Variants in CLIP1 observed in about 807,000 individuals in gnomAD.
The protein encoded by CLIP1 is CAP-Gly domain-containing linker protein 1.
Under a neutral mutation model 161.6 loss-of-function variants are expected in CLIP1, and 66 were observed. That is an observed-to-expected ratio of 0.41 (90% confidence interval 0.33 to 0.50). CLIP1 has a LOEUF of 0.50. CLIP1 is among the 20% of genes least tolerant of loss of function. The pLI is 0.27. For synonymous variants in CLIP1, 598 were observed against 626.2 expected, an observed-to-expected ratio of 0.96 and a Z score of 0.67; for missense variants, 1,376 against 1,702.0, an observed-to-expected ratio of 0.81 and a Z score of 3.37.
Position 122,355,352 on chromosome 12 carries a change from G to T in CLIP1, c.1006-40C>A. On this transcript the variant is annotated intron_variant, in intron 5 of 25. Transcript: ENST00000620786. This position sits in a 1 kb window ranked among gnomAD's most constrained non-coding sequence, Gnocchi z 4.1. The stretch of plus-strand genomic sequence containing the variant: ...TAGAGAAATGAAGGGCGATGATGCT[G>T]TCAGAAAAGCGAGGGAGGCGCGATG... 1 of 1,581,940 alleles carries T rather than the reference G, an allele frequency of 6.3e-7. No homozygotes were observed. The highest frequency in any genetic ancestry group is 8.7e-7 in the Non-Finnish European group (1 of 1,153,984).
At chr12:122,278,754 C>G (rs778417215) in intron 23 of CLIP1, 38 bp downstream of exon 23, 41 of 1,532,210 alleles carry the variant, frequency 2.7e-5, no homozygotes, top group Non-Finnish European at 3.6e-5. Flanking sequence ...CGGGAGGACG[C>G]GGGGTGTACA....
At position 122,328,392 on chromosome 12, in the gene CLIP1, C is replaced by G. The variant is rs748421205; in HGVS notation, c.2902G>C (p.Ala968Pro). Residue 968 changes from alanine to proline, a missense_variant, in exon 16 of 26, where the codon GCT becomes CCT. Physicochemically the swap from Ala to Pro is conservative, Grantham distance 27. This residue lies in a region of CLIP1 where 948 missense variants were observed against 1,134.8 expected (regional missense o/e 0.84). Transcript: ENST00000620786. ...TGCAGAAAACTTGCATTTTCATTAG[C>G]CTTTGTAAGTTTTAGCTGTAATTCT... ...VEELQLKLTK[A>P]NENASFLQKS... 2 of 1,609,578 alleles carry G rather than the reference C, an allele frequency of 1.2e-6. No individual in the cohort carries two copies. The highest frequency in any genetic ancestry group is 2.2e-5 in the South Asian group (2 of 89,520).
rs547763781 is a variant in CLIP1, at chr12:122,297,209, G to A, written c.3595-8668C>T. On this transcript the variant is annotated intron_variant, in intron 20 of 25. Coordinates refer to ENST00000620786, the MANE Select transcript of CLIP1 (RefSeq NM_001247997.2). Reference sequence around the variant, plus strand: ...ACCCTATTTTGTAAATAAACATGGTGGGTACTTGGTTTTATGTCTGTCAGC... The same window carrying A: ...ACCCTATTTTGTAAATAAACATGGTAGGTACTTGGTTTTATGTCTGTCAGC... Among the ~76,000 whole-genome samples the A allele has an allele frequency of 2.4e-4, 37 of 152,246 alleles. 1 individual carries two copies. In the South Asian group the frequency reaches 6.6e-3, roughly 27 times the overall value.
intron 4 of CLIP1, among the ~76,000 whole-genome samples, chr12:122,363,510 A>AG: frequency 6.6e-6 from 1 of 151,904 alleles, no homozygotes; most frequent in African/African-American, 2.4e-5. Context: ...AAAAAAAAAA[A>AG]AGAATGGGGT....
rs1018386884 is a variant in CLIP1, at chr12:122,331,401, G to A, written c.2867+1586C>T. Among the ~76,000 whole-genome samples the A allele has an allele frequency of 9.2e-5, 14 of 151,478 alleles. No individual in the cohort carries two copies. The East Asian group carries it at 2.6e-3, about 28-fold the overall frequency. On this transcript the variant is annotated intron_variant, in intron 15 of 25. Coordinates refer to ENST00000620786, the MANE Select transcript of CLIP1 (RefSeq NM_001247997.2). ...ATGATCCTGGCTCATTGCAACCTCC[G>A]CCTCCTGGGTTCAAGCGATTCTCCT...
chr12:122,402,602 C>T (rs2137093036), intron 1 of CLIP1, among the ~76,000 whole-genome samples: 1 of 152,254 alleles, frequency 6.6e-6, no homozygotes, highest in South Asian at 2.1e-4. Context: ...ATGGTGAAAC[C>T]CCATCTCTAC....
chr12:122,394,035 C>T (rs757451145), intron 1 of CLIP1, among the ~76,000 whole-genome samples: 1 of 151,428 alleles, frequency 6.6e-6, no homozygotes, highest in Non-Finnish European at 1.5e-5. Flanking sequence ...CAGTCTACTT[C>T]AAAAAACAGG....
At position 122,340,972 on chromosome 12, in the gene CLIP1, C is replaced by T; in HGVS notation, c.2232G>A (p.Glu744=). 1 of 1,614,192 alleles carries T rather than the reference C, an allele frequency of 6.2e-7. No individual in the cohort carries two copies. Among genetic ancestry groups the T allele is most frequent in the Non-Finnish European group, 8.5e-7 (1 of 1,180,036 alleles). Residue 744 remains glutamate (E), a synonymous_variant, in exon 11 of 26, where the codon GAG becomes GAA. Coordinates refer to ENST00000620786, the MANE Select transcript of CLIP1 (RefSeq NM_001247997.2). Reference sequence around the variant, plus strand: ...TGCATTTGGCTTGCAGTACCTCTAGCTCCTTTACCTTTATTTCAGCTTCCT... The same window carrying T: ...TGCATTTGGCTTGCAGTACCTCTAGTTCCTTTACCTTTATTTCAGCTTCCT... The part of the protein sequence containing the change: ...KLQEAEIKVK[E]LEVLQAKCNE...
chr12:122,336,732 C>G lies in CLIP1; in HGVS notation c.2468G>C (p.Arg823Thr). Residue 823 changes from arginine (R) to threonine (T), a missense_variant, in exon 12 of 26, where the codon AGA (arginine) becomes ACA (threonine). By Grantham distance (71) the Arg-to-Thr change is moderately conservative. Coordinates refer to ENST00000620786, the MANE Select transcript of CLIP1 (RefSeq NM_001247997.2). ...CTTTAGCTCTCTCCCCTGGAGCTCT[C>G]TGGTAATGCTACTAGCCTAACACAC... Reference protein sequence around the residue: ...AESSKASSITRELQGRELKLT... With the variant: ...AESSKASSITTELQGRELKLT... 2 of 1,593,322 alleles carry G rather than the reference C, an allele frequency of 1.3e-6. No individual in the cohort carries two copies. Among genetic ancestry groups the G allele is most frequent in the African/African-American group, 2.7e-5 (2 of 74,518 alleles).
rs140749054 is a variant in CLIP1, at chr12:122,407,963, C to T, written c.-107+14558G>A. On this transcript the variant is annotated intron_variant, in intron 1 of 25. Coordinates refer to ENST00000620786, the MANE Select transcript of CLIP1 (RefSeq NM_001247997.2). Reference sequence around the variant, plus strand: ...ATATTGGATTGGGTTTTTTTCTTTTCATAAAAGCTTTCTTGCCTGTAATGC... The same window carrying T: ...ATATTGGATTGGGTTTTTTTCTTTTTATAAAAGCTTTCTTGCCTGTAATGC... 2.9e-4 allele frequency among the ~76,000 whole-genome samples: 44 copies of T among 151,172 alleles called. No homozygotes were observed. The East Asian group carries it at 7.4e-3, about 26-fold the overall frequency.
chr12:122,378,118 G>C (rs753027098), intron 2 of CLIP1, among the ~76,000 whole-genome samples, 158 bp from the exon 3 acceptor site: 1 of 152,116 alleles, frequency 6.6e-6, no homozygotes, highest in Non-Finnish European at 1.5e-5. Flanking sequence ...AGACAGTCTC[G>C]CTCTGTCGCC....
chr12:122,333,198 G>A, intron 14 of CLIP1, 55 bp from the exon 15 acceptor site: 2 of 1,307,800 alleles, frequency 1.5e-6, no homozygotes, highest in Non-Finnish European at 2.1e-6. Flanking sequence ...AACAAAAACT[G>A]ACTGAGTGTA....
chr12:122,419,368 CAAAAA>C (rs530430022), intron 1 of CLIP1, among the ~76,000 whole-genome samples: 1 of 117,166 alleles, frequency 8.5e-6, no homozygotes, highest in Non-Finnish European at 1.8e-5. Flanking sequence ...GACTCTGTCT[CAAAAA>C]AAAAAAAATT....
chr12:122,380,560 T>TCCTCGGACGCCGCC lies in CLIP1; in HGVS notation c.-106-3_-106-2insGGCGGCGTCCGAGG. On this transcript the variant is annotated splice_region_variant and splice_polypyrimidine_tract_variant and intron_variant, in intron 1 of 25. Coordinates refer to ENST00000620786, the MANE Select transcript of CLIP1 (RefSeq NM_001247997.2). Reference sequence around the variant, plus strand: ...GTGAAGTCAGTCTCTGGATTAAATCTGCAAAGAGAAAGAAATAAAAAGATT... The same window carrying TCCTCGGACGCCGCC: ...GTGAAGTCAGTCTCTGGATTAAATCTCCTCGGACGCCGCCGCAAAGAGAAAGAAATAAAAAGATT... 1 of 588,644 alleles carries TCCTCGGACGCCGCC rather than the reference T, an allele frequency of 1.7e-6. No individual in the cohort carries two copies. The allele number at this position is 588,644 out of a possible 1,614,324, so 36.5% of individuals were successfully genotyped here. A position where few individuals can be genotyped will look rare whatever the true frequency, so the allele number is the denominator to read the frequency against.
intron 8 of CLIP1, 151 bp downstream of exon 8, chr12:122,352,575 G>T: frequency 1.5e-6 from 1 of 668,502 alleles, no homozygotes; most frequent in Non-Finnish European, 2.7e-6. Flanking sequence ...CTCAAGTACC[G>T]GCACCGTCAC....
At position 122,355,835 on chromosome 12, in the gene CLIP1, GAACTCTA is replaced by G. The variant is rs1425222538; in HGVS notation, c.1006-530_1006-524del. ...TTGCCATGTTCGCCAGGCTGTTCTCGAACTCTAAAGTGCTAAGGTTACAGGTGTGAGC... is the reference window on the plus strand; with the variant it reads ...TTGCCATGTTCGCCAGGCTGTTCTCGAAGTGCTAAGGTTACAGGTGTGAGC... On this transcript the variant is annotated intron_variant, in intron 5 of 25. Transcript: ENST00000620786. This position sits in a 1 kb window ranked among gnomAD's most constrained non-coding sequence, Gnocchi z 4.1. 1.3e-5 allele frequency: 2 copies of G among 154,114 alleles called. No individual in the cohort carries two copies. Among genetic ancestry groups the G allele is most frequent in the African/African-American group, 4.8e-5 (2 of 41,442 alleles). 9.5% of individuals were successfully genotyped at this position (154,114 alleles called of 1,614,324 possible).
At chr12:122,408,371 T>TG (rs1191587425) in intron 1 of CLIP1, among the ~76,000 whole-genome samples, 1 of 152,088 alleles carries the variant, frequency 6.6e-6, no homozygotes, top group East Asian at 1.9e-4. Context: ...TTTTTTGAGA[T>TG]GGAGTCTCAC....
At chr12:122,335,375 C>CAGCCAGGGATGACACAGCCTTG (rs1952168881) in intron 12 of CLIP1, among the ~76,000 whole-genome samples, 1 of 151,880 alleles carries the variant, frequency 6.6e-6, no homozygotes, top group Non-Finnish European at 1.5e-5. Context: ...TGTGCCATCC[C>CAGCCAGGGATGACACAGCCTTG]ACAGCCAGAC....
intron 4 of CLIP1, among the ~76,000 whole-genome samples, chr12:122,363,365 G>A (rs563429405): frequency 6.4e-4 from 97 of 152,214 alleles, no homozygotes; most frequent in Admixed American, 2.4e-3. Context: ...TGTGGCGTGC[G>A]CCTGTAATTT....
Sources: allele counts gnomAD v4.1 joint callset (sites outside exome capture counted in the v4.1 genomes callset), GRCh38; gene constraint gnomAD v4.1.1; regional missense constraint gnomAD v4.1.1; non-coding constraint Gnocchi (gnomAD v3.1); transcripts MANE v1.5; gene names NCBI Gene and HGNC (gene_info 2026-07-23, HGNC 2026-07-21).